The following RGL1 variants were observed in gnomAD, a reference collection of about 807,000 sequenced individuals.
RGL1 encodes the protein ral guanine nucleotide dissociation stimulator-like 1.
In RGL1, 24 loss-of-function variants were observed where a neutral mutation model predicts 95.2. The observed-to-expected ratio is 0.25, with a 90% CI of 0.18 to 0.35. The LOEUF (loss-of-function observed/expected upper bound fraction) is 0.35, where lower values mean the gene tolerates loss of function less well. Ranked by LOEUF, RGL1 falls within the 10% of genes least tolerant of loss-of-function variation. The pLI, the probability that RGL1 is intolerant of heterozygous loss-of-function variation, is 1.00. For missense variants in RGL1, 715 were observed against 936.3 expected (o/e 0.76, Z 3.08); for synonymous variants, 329 against 344.9 (o/e 0.95, Z 0.51).
upstream of RGL1, among the ~76,000 whole-genome samples, chr1:183,801,143 T>TTGTGTGTG (rs139990784): frequency 0.021 from 2,771 of 129,974 alleles, 92 homozygotes; most frequent in African/African-American, 0.063. Flanking sequence ...ACTTGTTATT[T>TTGTGTGTG]TGTGTGTGTG....
At chr1:183,739,568 A>C (rs935328802) in intron 1 of RGL1, among the ~76,000 whole-genome samples, 6 of 152,226 alleles carry the variant, frequency 3.9e-5, no homozygotes, top group Non-Finnish European at 8.8e-5. Context: ...TGTGGCTGGT[A>C]TGCAGTGGAA....
chr1:183,807,382 G>T (rs1341170993), intron 2 of RGL1, among the ~76,000 whole-genome samples: 1 of 152,218 alleles, frequency 6.6e-6, no homozygotes, highest in South Asian at 2.1e-4. Context: ...TATTTTAGCC[G>T]ATGGGCTTCA....
intron 1 of RGL1, among the ~76,000 whole-genome samples, chr1:183,638,553 G>T (rs544508665): frequency 6.6e-6 from 1 of 152,252 alleles, no homozygotes; most frequent in African/African-American, 2.4e-5. Flanking sequence ...TTGTGTGTAT[G>T]TGGAGAAATC....
intron 1 of RGL1, among the ~76,000 whole-genome samples, chr1:183,721,643 C>T (rs116281897): frequency 0.022 from 3,415 of 152,330 alleles, 130 homozygotes; most frequent in African/African-American, 0.077. Context: ...TACAAATGCG[C>T]ACTCTAATTT....
chr1:183,707,768 C>T (rs1219705694), intron 1 of RGL1, among the ~76,000 whole-genome samples: 3 of 151,364 alleles, frequency 2.0e-5, no homozygotes, highest in African/African-American at 7.3e-5. Flanking sequence ...AAGATGGCGG[C>T]TGAGAAGCTA....
At chr1:183,737,442 A>C (rs1572349383) in intron 1 of RGL1, among the ~76,000 whole-genome samples, 1 of 152,254 alleles carries the variant, frequency 6.6e-6, no homozygotes, top group East Asian at 1.9e-4. Context: ...TTATAAGCAT[A>C]GTGTTAGTAA....
At chr1:183,732,850 C>T (rs558404845) in intron 1 of RGL1, among the ~76,000 whole-genome samples, 1 of 152,204 alleles carries the variant, frequency 6.6e-6, no homozygotes, top group Admixed American at 6.5e-5. Context: ...GTTGAAAATA[C>T]TCTGACTCCG....
chr1:183,833,860 CAGTT>C (rs1663438796), intron 2 of RGL1, among the ~76,000 whole-genome samples: 1 of 151,778 alleles, frequency 6.6e-6, no homozygotes, highest in Non-Finnish European at 1.5e-5. Flanking sequence ...GCCCTACCTG[CAGTT>C]AGTATTTTTA....
intron 16 of RGL1, among the ~76,000 whole-genome samples, chr1:183,917,160 T>G (rs763357922): frequency 2.0e-5 from 3 of 152,198 alleles, no homozygotes; most frequent in Non-Finnish European, 2.9e-5. Context: ...TTTTGTCATT[T>G]AGTCATTTGG....
At chr1:183,763,712 G>T (rs967752199) in intron 2 of RGL1, among the ~76,000 whole-genome samples, 1 of 152,302 alleles carries the variant, frequency 6.6e-6, no homozygotes, top group East Asian at 1.9e-4. Flanking sequence ...TACACTAATA[G>T]GATTGTTATG....
At chr1:183,706,731 C>A (rs930512442) in intron 1 of RGL1, among the ~76,000 whole-genome samples, 1 of 152,196 alleles carries the variant, frequency 6.6e-6, no homozygotes, top group Non-Finnish European at 1.5e-5. Flanking sequence ...GCCCACAGAG[C>A]CCCTGATGGC....
chr1:183,677,426 G>T (rs1652901629), intron 1 of RGL1, among the ~76,000 whole-genome samples: 1 of 151,972 alleles, frequency 6.6e-6, no homozygotes, highest in Admixed American at 6.6e-5. Flanking sequence ...TGTCCCCCTT[G>T]GGCCCAATTA....
At chr1:183,765,809 C>T (rs1383883140) in intron 2 of RGL1, among the ~76,000 whole-genome samples, 2 of 152,098 alleles carry the variant, frequency 1.3e-5, no homozygotes. Flanking sequence ...CTTAGGATAG[C>T]TATAGTCAAA....
rs748749443 is a variant in RGL1, at chr1:183,922,267, C to A, written c.2050C>A (p.Leu684Met). The change falls in exon 17 of 18, where the codon CTG becomes ATG. Residue 684 changes from leucine (L) to methionine (M), a missense_variant. This residue lies in a region of RGL1 where 330 missense variants were observed against 429.6 expected (regional missense o/e 0.77). Coordinates refer to ENST00000360851, the MANE Select transcript of RGL1 (RefSeq NM_001297671.3). ...KTPAVIQRAM[L>M]KHNLDSDPAE... is the part of the protein sequence containing the mutation. ...CCCCGCTGTGATCCAGAGAGCCATG[C>A]TGAAGCACAATCTGGACTCAGACCC... The A allele has an allele frequency of 6.2e-7, 1 of 1,614,128 alleles. No homozygotes were observed. Among genetic ancestry groups the A allele is most frequent in the South Asian group, 1.1e-5 (1 of 91,058 alleles).
chr1:183,742,428 G>T, intron 2 of RGL1: 2 of 910,194 alleles, frequency 2.2e-6, no homozygotes, highest in Non-Finnish European at 3.4e-6. Flanking sequence ...CATGACTGGA[G>T]AACAAGTAAG....
At chr1:183,834,568 G>A (rs1469570433) in intron 2 of RGL1, among the ~76,000 whole-genome samples, 1 of 75,020 alleles carries the variant, frequency 1.3e-5, no homozygotes, top group African/African-American at 4.7e-5. Context: ...ATTAAATGAA[G>A]AAATTCACAC....
At position 183,916,577 on chromosome 1, in the gene RGL1, C is replaced by T; in HGVS notation, c.1880C>T (p.Ser627Phe). 1 of 1,614,000 alleles carries T rather than the reference C, an allele frequency of 6.2e-7. No homozygotes were observed. Among genetic ancestry groups the T allele is most frequent in the African/African-American group, 1.3e-5 (1 of 74,974 alleles). The change falls in exon 16 of 18, where the codon TCT becomes TTT. Residue 627 changes from serine (S) to phenylalanine (F), a missense_variant. Around this residue, in one of 3 missense-constraint regions of RGL1, gnomAD observed 330 missense variants for 429.6 expected, o/e 0.77. Coordinates refer to ENST00000360851, the MANE Select transcript of RGL1 (RefSeq NM_001297671.3). ...AACAACCCCAAAATCCACAAGCGCTCTGTCTCGGTGACGTCCATTACCTCG... is the reference window on the plus strand; with the variant it reads ...AACAACCCCAAAATCCACAAGCGCTTTGTCTCGGTGACGTCCATTACCTCG... ...CNNNPKIHKRSVSVTSITSTV... is the reference protein window; with the variant it reads ...CNNNPKIHKRFVSVTSITSTV...
At chr1:183,924,909 T>A (rs1200971169) in intron 17 of RGL1, among the ~76,000 whole-genome samples, 1 of 151,842 alleles carries the variant, frequency 6.6e-6, no homozygotes, top group African/African-American at 2.4e-5. Flanking sequence ...GAGGTTGCAG[T>A]GAGCTGACAT....
chr1:183,820,621 G>A (rs61084799), intron 2 of RGL1, among the ~76,000 whole-genome samples: 3,075 of 152,214 alleles, frequency 0.02, 99 homozygotes, highest in African/African-American at 0.069. Context: ...CTCTAGGCCT[G>A]TGCTGTTCAA....
Sources: gnomAD v4.1 joint callset for allele counts (sites outside exome capture counted in the v4.1 genomes callset) on GRCh38, gnomAD v4.1.1 for gene constraint, gnomAD v4.1.1 regional missense constraint, MANE v1.5 for transcripts, NCBI Gene and HGNC (gene_info 2026-07-23, HGNC 2026-07-21) for gene names.